The following CDH13 variants were observed in gnomAD, a reference collection of about 807,000 sequenced individuals.
CDH13 encodes cadherin 13, also known as cadherin-13.
Under a neutral mutation model 63.8 loss-of-function variants are expected in CDH13, and 24 were observed. That is an observed-to-expected ratio of 0.38 (90% CI 0.27 to 0.53). The LOEUF is 0.53. Among genes scored for constraint, CDH13 ranks in the 20% least tolerant of loss-of-function variants. CDH13 has a pLI of 0.85. For synonymous variants in CDH13, 503 were observed against 355.3 expected (o/e 1.42, Z -4.67); for missense variants, 1,049 against 903.1 (o/e 1.16, Z -2.07).
chr16:83,736,592 G>C (rs1396469171), intron 10 of CDH13, among the ~76,000 whole-genome samples: 1 of 151,928 alleles, frequency 6.6e-6, no homozygotes, highest in Non-Finnish European at 1.5e-5. Flanking sequence ...AAGTTGTGAA[G>C]ACGTTGTTTC....
chr16:82,899,918 A>T (rs928039840), intron 2 of CDH13, among the ~76,000 whole-genome samples: 1 of 152,142 alleles, frequency 6.6e-6, no homozygotes, highest in African/African-American at 2.4e-5. Context: ...TGTGCAAGTG[A>T]TTACGAGGGC....
chr16:82,728,445 ATT>A (rs35197709), intron 1 of CDH13, among the ~76,000 whole-genome samples: 4 of 151,498 alleles, frequency 2.6e-5, no homozygotes, highest in African/African-American at 4.9e-5. Context: ...GAGGCATACA[ATT>A]TTTTTTTTGT....
At chr16:82,708,349 A>C (rs1394666055) in intron 1 of CDH13, among the ~76,000 whole-genome samples, 1 of 152,162 alleles carries the variant, frequency 6.6e-6, no homozygotes, top group Non-Finnish European at 1.5e-5. Flanking sequence ...AAAAGTGCAA[A>C]TAGGGCATAA....
In CDH13 at chr16:83,602,473, A is replaced by G. The variant is rs374465882; in HGVS notation, c.980A>G (p.Tyr327Cys). 4 of 1,614,022 alleles carry G rather than the reference A, an allele frequency of 2.5e-6. No homozygotes were observed. The highest frequency in any genetic ancestry group is 3.4e-6 in the Non-Finnish European group (4 of 1,179,868). The change falls in exon 8 of 14, where the codon TAT becomes TGT. Residue 327 changes from tyrosine (Y) to cysteine (C), a missense_variant. Coordinates refer to ENST00000567109, the MANE Select transcript of CDH13 (RefSeq NM_001257.5). The stretch of plus-strand genomic sequence containing the variant: ...TTGTAGACTCTGGAAAATCCCAAGT[A>G]TGAACTGATCATCGAGGCTCAAGAT... ...LDRETLENPKYELIIEAQDMA... is the reference protein window; with the variant it reads ...LDRETLENPKCELIIEAQDMA...
intron 6 of CDH13, among the ~76,000 whole-genome samples, chr16:83,349,615 A>T (rs1344581890): frequency 6.6e-6 from 1 of 150,994 alleles, no homozygotes; most frequent in African/African-American, 2.4e-5. Flanking sequence ...TATTATCACT[A>T]TTGAGACGGA....
chr16:83,228,587 G>A lies in CDH13; in HGVS notation c.636+11090G>A, dbSNP rs547343760. Among the ~76,000 whole-genome samples the A allele has an allele frequency of 5.3e-5, 8 of 152,334 alleles. 1 individual carries two copies. In the South Asian group the frequency reaches 1.7e-3, roughly 32 times the overall value. ...ACATGAGGTCAAAGCAAATTCTCAA[G>A]AATGAGGAATGACAGGAGACAGAGA... On this transcript the variant is annotated intron_variant, in intron 5 of 13. Transcript: ENST00000567109.
intron 3 of CDH13, among the ~76,000 whole-genome samples, chr16:83,040,664 C>A (rs576186007): frequency 6.6e-5 from 10 of 152,294 alleles, no homozygotes; most frequent in African/African-American, 2.4e-4. Flanking sequence ...TCCCAGTCTA[C>A]TGACTCACAT....
intron 4 of CDH13, among the ~76,000 whole-genome samples, chr16:83,134,753 G>C (rs556941479): frequency 6.6e-6 from 1 of 152,056 alleles, no homozygotes; most frequent in African/African-American, 2.4e-5. Context: ...TTCACCATTC[G>C]CAAGTGTTGC....
chr16:82,663,437 G>A (rs924335518), intron 1 of CDH13, among the ~76,000 whole-genome samples: 3 of 151,886 alleles, frequency 2.0e-5, no homozygotes, highest in Non-Finnish European at 4.4e-5. Context: ...CACACGCCTC[G>A]GCCTCCCAAA....
intron 3 of CDH13, among the ~76,000 whole-genome samples, chr16:83,118,807 T>A (rs79838336): frequency 0.018 from 2,755 of 152,172 alleles, 87 homozygotes; most frequent in African/African-American, 0.062. Flanking sequence ...TTGGGCCTCT[T>A]CTCTGAGGCT....
chr16:83,436,943 AT>A (rs923355607), intron 6 of CDH13, among the ~76,000 whole-genome samples: 1 of 151,122 alleles, frequency 6.6e-6, no homozygotes. Flanking sequence ...AATCACCACC[AT>A]TTTTTTTTAA....
chr16:83,589,367 T>C (rs1906514842), intron 7 of CDH13, among the ~76,000 whole-genome samples: 2 of 132,778 alleles, frequency 1.5e-5, no homozygotes, highest in African/African-American at 5.6e-5. Flanking sequence ...CCTTGCCCTC[T>C]CCCTCTCCCC....
intron 6 of CDH13, among the ~76,000 whole-genome samples, chr16:83,395,185 G>A (rs1478237673): frequency 1.3e-5 from 2 of 150,422 alleles, no homozygotes; most frequent in East Asian, 2.0e-4. Context: ...GTGGTGGCAT[G>A]TGCCTGTAAT....
chr16:83,233,046 AC>A (rs2040047983), intron 5 of CDH13, among the ~76,000 whole-genome samples: 3 of 152,078 alleles, frequency 2.0e-5, no homozygotes, highest in African/African-American at 7.2e-5. Context: ...GTCAGTGTGA[AC>A]CCCCTTTTCC....
rs979475493 is a variant in CDH13 at position 82,644,109 on chromosome 16, G to T, written c.45+16972G>T. ...AAGAGGAGAGAAATCTAATTGATATGCTAATTGTCATTGTACTCAAGTTGA... is the reference window on the plus strand; with the variant it reads ...AAGAGGAGAGAAATCTAATTGATATTCTAATTGTCATTGTACTCAAGTTGA... On this transcript the variant is annotated intron_variant, in intron 1 of 13. Transcript: ENST00000567109. This position sits in a 1 kb window ranked among gnomAD's most constrained non-coding sequence, Gnocchi z 5.7. Among the ~76,000 whole-genome samples, 1 of 152,118 alleles carries T rather than the reference G, an allele frequency of 6.6e-6. No individual in the cohort carries two copies. The highest frequency in any genetic ancestry group is 2.1e-4 in the South Asian group (1 of 4,826).
chr16:83,590,788 G>A (rs115042072), intron 7 of CDH13, among the ~76,000 whole-genome samples: 17 of 152,020 alleles, frequency 1.1e-4, no homozygotes, highest in South Asian at 6.2e-4. Flanking sequence ...CGACATCAGC[G>A]TCTCCAAGAA....
At chr16:82,713,825 A>C (rs534957630) in intron 1 of CDH13, among the ~76,000 whole-genome samples, 10 of 151,120 alleles carry the variant, frequency 6.6e-5, no homozygotes, top group African/African-American at 2.2e-4. Context: ...AACAAACAAA[A>C]AAAAAGGAAA....
At chr16:83,185,051 T>C (rs1567487610) in intron 4 of CDH13, among the ~76,000 whole-genome samples, 4 of 152,150 alleles carry the variant, frequency 2.6e-5, no homozygotes, top group Non-Finnish European at 5.9e-5. Flanking sequence ...ATATTTATGA[T>C]CTTCCCACCA....
chr16:83,510,463 G>A (rs962645256), intron 7 of CDH13, among the ~76,000 whole-genome samples: 1 of 152,196 alleles, frequency 6.6e-6, no homozygotes, highest in Non-Finnish European at 1.5e-5. Context: ...ACACACCAAT[G>A]AAGGAATAAT....
Sources: allele counts gnomAD v4.1 joint callset (sites outside exome capture counted in the v4.1 genomes callset), GRCh38; gene constraint gnomAD v4.1.1; non-coding constraint Gnocchi (gnomAD v3.1); transcripts MANE v1.5; gene names NCBI Gene and HGNC (gene_info 2026-07-23, HGNC 2026-07-21).